SEC61A1: variants seen among roughly 807,000 people sequenced by gnomAD.
SEC61A1 encodes the protein SEC61 translocon subunit alpha 1, also known as protein transport protein Sec61 subunit alpha isoform 1.
Under a neutral mutation model 55.2 loss-of-function variants are expected in SEC61A1, and 15 were observed. That is an observed-to-expected ratio of 0.27 (90% CI 0.18 to 0.42). The LOEUF is 0.42. Ranked by LOEUF, SEC61A1 falls within the 10% of genes least tolerant of loss-of-function variation. SEC61A1 has a pLI of 1.00. For missense variants in SEC61A1, 284 were observed against 602.6 expected (o/e 0.47, Z 5.53); for synonymous variants, 247 against 234.0 (o/e 1.06, Z -0.51).
intron 11 of SEC61A1, 114 bp from the exon 12 acceptor site, chr3:128,069,362 C>T: frequency 1.0e-6 from 1 of 974,072 alleles, no homozygotes; most frequent in Non-Finnish European, 1.5e-6. Context: ...TTCTAGGAGA[C>T]AGCAGAGGGG....
chr3:128,060,780 C>T, intron 7 of SEC61A1, 119 bp downstream of exon 7: 1 of 1,090,262 alleles, frequency 9.2e-7, no homozygotes, highest in South Asian at 1.7e-5. Context: ...TTAGGTTTAT[C>T]TCTTCTGGTG....
chr3:128,052,441 T>A lies in SEC61A1; in HGVS notation c.-112T>A, dbSNP rs1941699259. On this transcript the variant is annotated 5_prime_UTR_variant, in exon 1 of 12. Coordinates refer to ENST00000243253, the MANE Select transcript of SEC61A1 (RefSeq NM_013336.4). ...GCTTGCCGCCGGGCTAGCACTGACG[T>A]GTCTCTCGGCGGAGCTGCTGTGCAG... The A allele has an allele frequency of 9.9e-6, 14 of 1,421,180 alleles. No individual in the cohort carries two copies. The highest frequency in any genetic ancestry group is 1.5e-5 in the South Asian group (1 of 65,000). 88.0% of individuals were successfully genotyped at this position (1,421,180 alleles called of 1,614,324 possible). A position where few individuals can be genotyped will look rare whatever the true frequency, so the allele number is the denominator to read the frequency against.
rs752918536 is a variant in SEC61A1, at chr3:128,069,458, C to T, written c.1245-18C>T. 17 of 1,605,388 alleles carry T rather than the reference C, an allele frequency of 1.1e-5. No individual in the cohort carries two copies. The highest frequency in any genetic ancestry group is 3.4e-4 in the Middle Eastern group (2 of 5,820). On this transcript the variant is annotated intron_variant, in intron 11 of 11. Transcript: ENST00000243253. ...AGCTCTGTGGGTGTCCAGGAGCTGA[C>T]TGTGTCCCCTCCCCCAGGTACATCC... is the stretch of plus-strand genomic sequence containing the variant.
upstream of SEC61A1, chr3:128,051,649 C>A (rs760541307): frequency 3.5e-6 from 5 of 1,410,488 alleles, no homozygotes; most frequent in Non-Finnish European, 4.6e-6. Flanking sequence ...GCAATCACAC[C>A]GCCATGCTTT....
chr3:128,059,118 T>A lies in SEC61A1; in HGVS notation c.353-984T>A, dbSNP rs143613030. 7.9e-3 allele frequency among the ~76,000 whole-genome samples: 1,197 copies of A among 152,252 alleles called. 22 individuals are homozygous for A. Among genetic ancestry groups the A allele is most frequent in the African/African-American group, 0.027 (1,140 of 41,536 alleles). On this transcript the variant is annotated intron_variant, in intron 5 of 11. Coordinates refer to ENST00000243253, the MANE Select transcript of SEC61A1 (RefSeq NM_013336.4). The stretch of plus-strand genomic sequence containing the variant: ...CTAGTACTGTGGAACTTGTCAAATG[T>A]GTCCATTCCCTTGTGCCTAACAGTG...
Position 128,056,637 on chromosome 3 carries a change from G to T in SEC61A1, c.221-72G>T, listed in dbSNP as rs9827668. On this transcript the variant is annotated intron_variant, in intron 4 of 11. Transcript: ENST00000243253. The stretch of plus-strand genomic sequence containing the variant: ...TAAGGGGTACCCAGTCAAATTTTGC[G>T]TATTCATTTTTAAAATAACGTACTA... The T allele has an allele frequency of 0.24, 318,053 of 1,345,180 alleles. 38,636 individuals carry two copies. Among genetic ancestry groups the T allele is most frequent in the South Asian group, 0.26 (12,521 of 47,524 alleles). The allele number at this position is 1,345,180 out of a possible 1,614,324, so 83.3% of individuals were successfully genotyped here.
chr3:128,067,006 A>G lies in SEC61A1; in HGVS notation c.830A>G (p.Asn277Ser). 1.2e-6 allele frequency: 2 copies of G among 1,614,174 alleles called. No individual in the cohort carries two copies. The highest frequency in any genetic ancestry group is 1.7e-6 in the Non-Finnish European group (2 of 1,180,030). The change falls in exon 9 of 12, where the codon AAC (asparagine) becomes AGC (serine). Residue 277 changes from asparagine (N) to serine (S), a missense_variant. By Grantham distance (46) the Asn-to-Ser change is conservative (BLOSUM62 1). Coordinates refer to ENST00000243253, the MANE Select transcript of SEC61A1 (RefSeq NM_013336.4). The surrounding 1 kb of genome is among the most constrained non-coding windows in gnomAD (Gnocchi z 4.1). ...TCGGCCCGCTACCGTGGCCAGTACAACACCTATCCCATCAAGCTCTTCTAT... is the reference window on the plus strand; with the variant it reads ...TCGGCCCGCTACCGTGGCCAGTACAGCACCTATCCCATCAAGCTCTTCTAT... ...IKSARYRGQY[N>S]TYPIKLFYTS...
intron 5 of SEC61A1, 118 bp from the exon 6 acceptor site, chr3:128,059,984 A>G: frequency 1.4e-6 from 1 of 712,286 alleles, no homozygotes; most frequent in South Asian, 1.7e-5. Context: ...TGGAGGTAGT[A>G]TCACTGCTCT....
intron 7 of SEC61A1, among the ~76,000 whole-genome samples, chr3:128,061,200 C>T (rs1941846206): frequency 6.6e-6 from 1 of 152,200 alleles, no homozygotes; most frequent in Admixed American, 6.5e-5. Flanking sequence ...TGGCTTTGGG[C>T]AGATTCCTGC....
Position 128,066,868 on chromosome 3 carries a change from C to A in SEC61A1, c.778-86C>A, listed in dbSNP as rs112193426. On this transcript the variant is annotated intron_variant, in intron 8 of 11. Transcript: ENST00000243253. ...ACAGGATTTCCTCCCTTGTGGCCCA[C>A]TGGACAGTCCCCGGCCGGGCTGTGT... is the stretch of plus-strand genomic sequence containing the variant. The A allele has an allele frequency of 1.3e-5, 18 of 1,352,080 alleles. No homozygotes were observed. In the African/African-American group the frequency reaches 2.4e-4, roughly 18 times the overall value. The allele number at this position is 1,352,080 out of a possible 1,614,324, so 83.8% of individuals were successfully genotyped here.
At chr3:128,062,810 T>C (rs1941869771) in intron 7 of SEC61A1, among the ~76,000 whole-genome samples, 1 of 152,238 alleles carries the variant, frequency 6.6e-6, no homozygotes, top group Non-Finnish European at 1.5e-5. Flanking sequence ...GGAAGATTTG[T>C]TCTATGAAAG....
rs972318688 is a variant in SEC61A1 at position 128,052,780 on chromosome 3, C to G, written c.8-55C>G. On this transcript the variant is annotated intron_variant, in intron 1 of 11. Transcript: ENST00000243253. ...GGGCAGAAGGCGTCCCTGGGTAGCG[C>G]GGAAGGTTACTTCTCTGTGTCCCAA... The G allele has an allele frequency of 1.9e-6, 3 of 1,557,778 alleles. No homozygotes were observed. In the African/African-American group the frequency reaches 4.1e-5, roughly 21 times the overall value.
chr3:128,067,197 A>G lies in SEC61A1; in HGVS notation c.975+46A>G. 1 of 1,554,214 alleles carries G rather than the reference A, an allele frequency of 6.4e-7. No individual in the cohort carries two copies. Among genetic ancestry groups the G allele is most frequent in the Non-Finnish European group, 8.9e-7 (1 of 1,125,716 alleles). ...TGAGCTAGCAATGCAGCTAAGTTGC[A>G]GTGGTTTCTATCAGTGTCTTGCTCA... On this transcript the variant is annotated intron_variant, in intron 9 of 11. Coordinates refer to ENST00000243253, the MANE Select transcript of SEC61A1 (RefSeq NM_013336.4). This position sits in a 1 kb window ranked among gnomAD's most constrained non-coding sequence, Gnocchi z 4.1.
intron 7 of SEC61A1, among the ~76,000 whole-genome samples, chr3:128,061,673 T>C (rs1941854750): frequency 6.6e-6 from 1 of 152,222 alleles, no homozygotes; most frequent in African/African-American, 2.4e-5. Context: ...CATTTGATGC[T>C]TCCTTGAGTA....
intron 7 of SEC61A1, 102 bp downstream of exon 7, chr3:128,060,763 G>C: frequency 8.1e-7 from 1 of 1,229,596 alleles, no homozygotes; most frequent in Non-Finnish European, 1.1e-6. Flanking sequence ...GAAAAATAAT[G>C]TCAGTTTTAG....
In SEC61A1 at chr3:128,069,832, C is replaced by T. The variant is rs1440902646; in HGVS notation, c.*170C>T. 5 of 662,110 alleles carry T rather than the reference C, an allele frequency of 7.6e-6. No individual in the cohort carries two copies. The Admixed American group carries it at 9.5e-5, about 13-fold the overall frequency. 41.0% of individuals were successfully genotyped at this position (662,110 alleles called of 1,614,324 possible). On this transcript the variant is annotated 3_prime_UTR_variant, in exon 12 of 12. Coordinates refer to ENST00000243253, the MANE Select transcript of SEC61A1 (RefSeq NM_013336.4). ...AGACATTTTCCAATTTAAAATTTTGCTTTTTATCCTGGCACTGGCAAAAAG... is the reference window on the plus strand; with the variant it reads ...AGACATTTTCCAATTTAAAATTTTGTTTTTTATCCTGGCACTGGCAAAAAG...
chr3:128,068,082 C>T (rs1942039341), intron 11 of SEC61A1, 23 bp downstream of exon 11: 10 of 1,596,752 alleles, frequency 6.3e-6, no homozygotes, highest in Non-Finnish European at 8.6e-6. Context: ...CCCAGGTCCC[C>T]AACCTCCCGT....
chr3:128,067,053 C>T lies in SEC61A1; in HGVS notation c.877C>T (p.Leu293=). ...LFYTSNIPII[L]QSALVSNLYV... is the part of the protein sequence containing the mutation. ...CTATACGTCCAACATCCCCATCATC[C>T]TGCAGTCTGCCCTGGTGTCCAACCT... Residue 293 remains leucine (L), a synonymous_variant, in exon 9 of 12, where the codon CTG becomes TTG. Transcript: ENST00000243253. The surrounding 1 kb of genome is among the most constrained non-coding windows in gnomAD (Gnocchi z 4.1). 2 of 1,614,240 alleles carry T rather than the reference C, an allele frequency of 1.2e-6. No individual in the cohort carries two copies. Among genetic ancestry groups the T allele is most frequent in the African/African-American group, 1.3e-5 (1 of 75,068 alleles).
intron 7 of SEC61A1, among the ~76,000 whole-genome samples, chr3:128,061,019 A>G (rs1941843328): frequency 6.6e-6 from 1 of 152,180 alleles, no homozygotes; most frequent in Non-Finnish European, 1.5e-5. Context: ...CTGTCCTCAT[A>G]TGTTCATCTT....
Sources: gnomAD v4.1 joint callset for allele counts (sites outside exome capture counted in the v4.1 genomes callset) on GRCh38, gnomAD v4.1.1 for gene constraint, Gnocchi (gnomAD v3.1) non-coding constraint, MANE v1.5 for transcripts, NCBI Gene and HGNC (gene_info 2026-07-23, HGNC 2026-07-21) for gene names.